Variants in NTM observed in about 807,000 individuals in gnomAD.
The protein encoded by NTM is neurotrimin, also known as IgLON family member 2.
In NTM, 13 loss-of-function variants were observed where a neutral mutation model predicts 42.1. The ratio of observed to expected loss-of-function variants is 0.31; its 90% CI spans 0.20 to 0.49. The LOEUF is 0.49. Among genes scored for constraint, NTM ranks in the 20% least tolerant of loss-of-function variants. NTM has a pLI of 0.99. For synonymous variants in NTM, 187 were observed against 179.2 expected, an observed-to-expected ratio of 1.04 and a Z score of -0.35; for missense variants, 373 against 452.8, an observed-to-expected ratio of 0.82 and a Z score of 1.60.
At chr11:131,581,422 G>T (rs1327226459) in intron 1 of NTM, among the ~76,000 whole-genome samples, 2 of 152,206 alleles carry the variant, frequency 1.3e-5, no homozygotes, top group Non-Finnish European at 2.9e-5. Flanking sequence ...GAATTTAGTT[G>T]AAAGCTCCAT....
chr11:131,939,683 T>G (rs935045649), intron 2 of NTM, among the ~76,000 whole-genome samples: 2 of 152,198 alleles, frequency 1.3e-5, no homozygotes, highest in Admixed American at 1.3e-4. Flanking sequence ...TACTCCTGAT[T>G]CTTGCAAGCT....
chr11:131,659,309 G>A (rs1223431912), intron 1 of NTM, among the ~76,000 whole-genome samples: 2 of 152,204 alleles, frequency 1.3e-5, no homozygotes, highest in Non-Finnish European at 2.9e-5. Context: ...TTAAAGTATT[G>A]TTGCAGCCTG....
chr11:131,506,612 G>A (rs1473092579), intron 1 of NTM, among the ~76,000 whole-genome samples: 1 of 152,184 alleles, frequency 6.6e-6, no homozygotes, highest in East Asian at 1.9e-4. Flanking sequence ...TTCTCAGGAT[G>A]AGTTACTATC....
intron 7 of NTM, chr11:132,317,725 C>A (rs1373072454): frequency 1.6e-6 from 2 of 1,273,938 alleles, no homozygotes; most frequent in Non-Finnish European, 2.1e-6. Context: ...TTTGTCTCCC[C>A]TTCCCTCTAT....
intron 2 of NTM, among the ~76,000 whole-genome samples, chr11:132,074,332 G>T (rs1478134674): frequency 6.6e-6 from 1 of 152,118 alleles, no homozygotes; most frequent in African/African-American, 2.4e-5. Flanking sequence ...CACACAGGTG[G>T]GTGGGGAAAC....
chr11:132,073,974 G>A lies in NTM; in HGVS notation c.168-72308G>A, dbSNP rs534614743. ...TTCTTTCAGAACTTCTGGGGTTAAC[G>A]TGGTTGGAATGTGTGCTAACAGGCT... On this transcript the variant is annotated intron_variant, in intron 2 of 8. Transcript: ENST00000683400. Among the ~76,000 whole-genome samples, 14 of 152,268 alleles carry A rather than the reference G, an allele frequency of 9.2e-5. No homozygotes were observed. The East Asian group carries it at 2.1e-3, about 23-fold the overall frequency.
At chr11:131,760,232 G>A (rs1171057426) in intron 1 of NTM, among the ~76,000 whole-genome samples, 1 of 152,208 alleles carries the variant, frequency 6.6e-6, no homozygotes, top group Non-Finnish European at 1.5e-5. Context: ...TTTTCCGGAA[G>A]CAGATGCAGG....
chr11:131,818,743 GC>G (rs1244055996), intron 1 of NTM, among the ~76,000 whole-genome samples: 3 of 152,152 alleles, frequency 2.0e-5, no homozygotes, highest in Non-Finnish European at 4.4e-5. Context: ...TTGCTATCGT[GC>G]TTTTACACTT....
At chr11:131,812,677 G>T (rs963468997) in intron 1 of NTM, among the ~76,000 whole-genome samples, 1 of 152,082 alleles carries the variant, frequency 6.6e-6, no homozygotes, top group African/African-American at 2.4e-5. Context: ...AGGTGGAGGG[G>T]AGCTGTCTGA....
At chr11:132,251,713 T>G (rs3133908) in intron 4 of NTM, among the ~76,000 whole-genome samples, 72,219 of 151,600 alleles carry the variant, frequency 0.48, 17,552 homozygotes, top group African/African-American at 0.54. Context: ...ACAGGGTTAT[T>G]CCAAAGCTCA....
At chr11:131,833,166 CCTTAG>C (rs2043039273) in intron 1 of NTM, among the ~76,000 whole-genome samples, 4 of 152,272 alleles carry the variant, frequency 2.6e-5, no homozygotes, top group Admixed American at 2.6e-4. Context: ...TTCACGTTTT[CCTTAG>C]CTATATTGTG....
intron 1 of NTM, among the ~76,000 whole-genome samples, chr11:131,516,005 T>G (rs2048850428): frequency 6.6e-6 from 1 of 152,204 alleles, no homozygotes; most frequent in Admixed American, 6.5e-5. Context: ...TTGCTAAACT[T>G]TGTCACTTTT....
chr11:131,580,777 G>A (rs77932256), intron 1 of NTM, among the ~76,000 whole-genome samples: 3,947 of 152,194 alleles, frequency 0.026, 163 homozygotes, highest in African/African-American at 0.09. Flanking sequence ...CATCATGCTT[G>A]TCCCATTCAT....
At chr11:131,811,483 G>A (rs1527772) in intron 1 of NTM, among the ~76,000 whole-genome samples, 12,089 of 152,170 alleles carry the variant, frequency 0.079, 1,605 homozygotes, top group African/African-American at 0.28. Context: ...GAGGAAGAGC[G>A]AGTGGGAAAT....
intron 2 of NTM, among the ~76,000 whole-genome samples, chr11:132,004,199 G>A (rs1386733130): frequency 6.6e-6 from 1 of 152,088 alleles, no homozygotes; most frequent in Non-Finnish European, 1.5e-5. Flanking sequence ...GGTAACTTAG[G>A]TTGCCACTTT....
intron 4 of NTM, among the ~76,000 whole-genome samples, chr11:132,213,062 G>A (rs960704444): frequency 6.6e-6 from 1 of 152,188 alleles, no homozygotes; most frequent in East Asian, 1.9e-4. Flanking sequence ...GAAGGGCTCT[G>A]AAAAGAAGAT....
At chr11:131,457,846 A>G (rs1951038410) in intron 1 of NTM, among the ~76,000 whole-genome samples, 1 of 152,118 alleles carries the variant, frequency 6.6e-6, no homozygotes, top group South Asian at 2.1e-4. Context: ...GTCTTTATAA[A>G]GGTGGCCCCC....
intron 1 of NTM, among the ~76,000 whole-genome samples, chr11:131,707,142 C>T (rs573530559): frequency 2.8e-4 from 42 of 152,072 alleles, no homozygotes; most frequent in Middle Eastern, 3.4e-3. Flanking sequence ...CTTTGGCCAG[C>T]ATCTCCCCTT....
intron 2 of NTM, among the ~76,000 whole-genome samples, chr11:131,983,348 C>T (rs2065559553): frequency 6.7e-6 from 1 of 150,140 alleles, no homozygotes; most frequent in African/African-American, 2.5e-5. Context: ...TTTCACCTCT[C>T]TAAAATGGAG....
Sources: gnomAD v4.1 joint callset for allele counts (sites outside exome capture counted in the v4.1 genomes callset) on GRCh38, gnomAD v4.1.1 for gene constraint, MANE v1.5 for transcripts, NCBI Gene and HGNC (gene_info 2026-07-23, HGNC 2026-07-21) for gene names.